The following NUMB variants were observed in gnomAD, a reference collection of about 807,000 sequenced individuals.
NUMB encodes the protein protein numb homolog.
A neutral mutation model predicts 59.7 loss-of-function variants in NUMB; 29 were observed. The ratio of observed to expected loss-of-function variants is 0.49; its 90% confidence interval spans 0.36 to 0.66. The LOEUF (loss-of-function observed/expected upper bound fraction) is 0.66. Among genes scored for constraint, NUMB ranks in the 30% least tolerant of loss-of-function variants. The pLI, the probability that NUMB is intolerant of heterozygous loss-of-function variation, is 0.00. For synonymous variants in NUMB, 288 were observed against 288.2 expected (o/e 1.00, Z 0.01); for missense variants, 723 against 822.0 (o/e 0.88, Z 1.47).
At chr14:73,299,151 C>T (rs1370015310) in intron 6 of NUMB, 2 of 152,058 alleles carry the variant, frequency 1.3e-5, no homozygotes. Flanking sequence ...CATGGCAAGT[C>T]TGGGGCTCTA....
chr14:73,355,810 C>T, intron 3 of NUMB, 44 bp from the exon 4 acceptor site: 3 of 1,474,784 alleles, frequency 2.0e-6, no homozygotes, highest in Non-Finnish European at 9.3e-7. Flanking sequence ...ATATTACCTT[C>T]TTACATATTT....
At chr14:73,417,109 T>TC (rs1007013912) in intron 1 of NUMB, among the ~76,000 whole-genome samples, 4 of 151,502 alleles carry the variant, frequency 2.6e-5, no homozygotes, top group African/African-American at 9.7e-5. Flanking sequence ...TCCCACTCCA[T>TC]CCCCTTTCCA....
chr14:73,370,142 T>C (rs2140053389), intron 2 of NUMB, among the ~76,000 whole-genome samples: 1 of 152,030 alleles, frequency 6.6e-6, no homozygotes, highest in African/African-American at 2.4e-5. Flanking sequence ...GGTGGGACCA[T>C]TAAGAGATAA....
At chr14:73,367,346 T>TAGAGAGAGAGAGAGAGAGAG (rs1288750867) in intron 2 of NUMB, among the ~76,000 whole-genome samples, 213 of 91,214 alleles carry the variant, frequency 2.3e-3, no homozygotes, top group Middle Eastern at 5.4e-3. Context: ...TATATATATA[T>TAGAGAGAGAGAGAGAGAGAG]ATAGAGAGAG....
rs1566756228 is a variant in NUMB at position 73,352,503 on chromosome 14, TATATATATATATATATATATATA to T, written c.126+3100_126+3122del. Among the ~76,000 whole-genome samples the T allele has an allele frequency of 1.7e-3, 24 of 14,220 alleles. 2 individuals carry two copies. The highest frequency in any genetic ancestry group is 3.0e-3 in the African/African-American group (7 of 2,368). 9.3% of individuals were successfully genotyped at this position (14,220 alleles called of 152,430 possible). ...ATATATATATATATATATATATATA[TATATATATATATATATATATATA>T]TATGTTTTTTTTTTTTTTTTTTTTT... On this transcript the variant is annotated intron_variant, in intron 4 of 12. Coordinates refer to ENST00000555238, the MANE Select transcript of NUMB (RefSeq NM_001005743.2).
intron 1 of NUMB, among the ~76,000 whole-genome samples, chr14:73,413,464 T>C (rs1268489831): frequency 6.6e-6 from 1 of 151,698 alleles, no homozygotes; most frequent in African/African-American, 2.4e-5. Flanking sequence ...TGATTCTTTT[T>C]CTAAAAAATA....
chr14:73,353,183 C>T (rs902690397), intron 4 of NUMB, among the ~76,000 whole-genome samples: 23 of 144,294 alleles, frequency 1.6e-4, no homozygotes, highest in African/African-American at 5.4e-4. Flanking sequence ...CTCCCAGGTT[C>T]AAGCAATTCT....
chr14:73,412,632 G>GGAA (rs1555380196), intron 1 of NUMB, among the ~76,000 whole-genome samples: 12 of 92,512 alleles, frequency 1.3e-4, no homozygotes, highest in African/African-American at 4.5e-4. Flanking sequence ...CGTCTCAAAA[G>GGAA]AAAAAAAAAA....
At position 73,276,969 on chromosome 14, in the gene NUMB, G is replaced by A. The variant is rs973597992; in HGVS notation, c.1565C>T (p.Pro522Leu). Residue 522 changes from proline to leucine, a missense_variant, in exon 13 of 13, where the codon CCT becomes CTT. Physicochemically the swap from Pro to Leu is moderately conservative, Grantham distance 98. Coordinates refer to ENST00000555238, the MANE Select transcript of NUMB (RefSeq NM_001005743.2). ...AGTGATGCCCACCACAGGCACATTA[G>A]GGGCTGGATAGGGCATTCCATTGGC... is the stretch of plus-strand genomic sequence containing the variant. Reference protein sequence around the residue: ...PVANGMPYPAPNVPVVGITPS... With the variant: ...PVANGMPYPALNVPVVGITPS... The A allele has an allele frequency of 6.2e-7, 1 of 1,614,172 alleles. No homozygotes were observed. Among genetic ancestry groups the A allele is most frequent in the African/African-American group, 1.3e-5 (1 of 75,050 alleles).
intron 2 of NUMB, among the ~76,000 whole-genome samples, chr14:73,381,251 T>G (rs1895225475): frequency 6.6e-6 from 1 of 152,036 alleles, no homozygotes; most frequent in Non-Finnish European, 1.5e-5. Flanking sequence ...CCTAATATAT[T>G]TCTATACAAT....
intron 2 of NUMB, among the ~76,000 whole-genome samples, chr14:73,393,002 G>C (rs529436477): frequency 6.6e-6 from 1 of 152,266 alleles, no homozygotes; most frequent in South Asian, 2.1e-4. Context: ...GTCAGATTCT[G>C]CAAGAAGGAT....
intron 4 of NUMB, among the ~76,000 whole-genome samples, chr14:73,337,517 A>G (rs1184869568): frequency 6.6e-6 from 1 of 152,198 alleles, no homozygotes; most frequent in Non-Finnish European, 1.5e-5. Flanking sequence ...AAATGTATCT[A>G]TATCTACATC....
chr14:73,420,653 C>T (rs953642931), intron 1 of NUMB, among the ~76,000 whole-genome samples: 4 of 152,100 alleles, frequency 2.6e-5, no homozygotes, highest in African/African-American at 9.7e-5. Flanking sequence ...AACCTTGTCT[C>T]TACGAAATAT....
chr14:73,403,822 T>C (rs1304280080), intron 2 of NUMB, among the ~76,000 whole-genome samples: 2 of 151,604 alleles, frequency 1.3e-5, no homozygotes, highest in African/African-American at 4.9e-5. Flanking sequence ...AGGCCAGGCA[T>C]GGTGGCTCAT....
intron 4 of NUMB, among the ~76,000 whole-genome samples, chr14:73,340,482 A>G (rs1435893572): frequency 6.6e-6 from 1 of 152,110 alleles, no homozygotes; most frequent in Non-Finnish European, 1.5e-5. Flanking sequence ...AACATACCAG[A>G]TACTTTACAT....
intron 8 of NUMB, among the ~76,000 whole-genome samples, chr14:73,291,404 G>A (rs1224822175): frequency 2.1e-5 from 3 of 146,154 alleles, no homozygotes; most frequent in East Asian, 2.1e-4. Context: ...TTTTTGAGAC[G>A]GAGTCTTACT....
intron 3 of NUMB, among the ~76,000 whole-genome samples, chr14:73,362,174 T>C (rs1894129146): frequency 6.6e-6 from 1 of 152,032 alleles, no homozygotes; most frequent in African/African-American, 2.4e-5. Flanking sequence ...GGAGGGTCAC[T>C]TTAGCCAAGG....
chr14:73,437,328 C>T (rs934051795), intron 1 of NUMB, among the ~76,000 whole-genome samples: 1 of 152,282 alleles, frequency 6.6e-6, no homozygotes, highest in East Asian at 1.9e-4. Flanking sequence ...TAAGCCATCA[C>T]GCCTGGCCTA....
chr14:73,439,964 G>A (rs531781546), intron 1 of NUMB, among the ~76,000 whole-genome samples: 6 of 152,064 alleles, frequency 3.9e-5, no homozygotes, highest in Non-Finnish European at 8.8e-5. Context: ...ACATAAGGAT[G>A]AAATTATATA....
Sources: allele counts gnomAD v4.1 joint callset (sites outside exome capture counted in the v4.1 genomes callset), GRCh38; gene constraint gnomAD v4.1.1; transcripts MANE v1.5; gene names NCBI Gene and HGNC (gene_info 2026-07-23, HGNC 2026-07-21).